ANKH: variants seen among roughly 807,000 people sequenced by gnomAD.
ANKH encodes mineralization regulator ANKH.
A neutral mutation model predicts 49.0 loss-of-function variants in ANKH; 15 were observed. The observed-to-expected ratio is 0.31, with a 90% CI of 0.20 to 0.47. The LOEUF (loss-of-function observed/expected upper bound fraction) is 0.47. Ranked by LOEUF, ANKH falls within the 20% of genes least tolerant of loss-of-function variation. The pLI, the probability that ANKH is intolerant of heterozygous loss-of-function variation, is 1.00. For missense variants in ANKH, 429 were observed against 652.0 expected, an observed-to-expected ratio of 0.66 and a Z score of 3.72; for synonymous variants, 273 against 260.0, an observed-to-expected ratio of 1.05 and a Z score of -0.48.
At chr5:14,804,680 T>C (rs1408404745) in intron 1 of ANKH, among the ~76,000 whole-genome samples, 1 of 152,254 alleles carries the variant, frequency 6.6e-6, no homozygotes, top group Non-Finnish European at 1.5e-5. Flanking sequence ...AATTAAGGTA[T>C]ACTCTTGCTA....
intron 1 of ANKH, 97 bp from the exon 2 acceptor site, chr5:14,769,288 T>C (rs1286849011): frequency 7.8e-6 from 8 of 1,028,378 alleles, no homozygotes; most frequent in Admixed American, 2.0e-5. Flanking sequence ...CACGTTTCTA[T>C]AGAAACACTA....
chr5:14,797,714 T>C, intron 1 of ANKH: 1 of 1,604,848 alleles, frequency 6.2e-7, no homozygotes, highest in Non-Finnish European at 8.5e-7. Flanking sequence ...CATCTTCTAC[T>C]ATTGCCGTAT....
At chr5:14,799,296 C>T (rs1050327512) in intron 1 of ANKH, among the ~76,000 whole-genome samples, 1 of 152,188 alleles carries the variant, frequency 6.6e-6, no homozygotes, top group African/African-American at 2.4e-5. Context: ...TACAAAAGTA[C>T]AAGGTAAAGC....
At chr5:14,744,564 C>CAT (rs1554002328) in intron 7 of ANKH, among the ~76,000 whole-genome samples, 1 of 151,914 alleles carries the variant, frequency 6.6e-6, no homozygotes, top group Non-Finnish European at 1.5e-5. Context: ...TGGAGGTGGA[C>CAT]GTGTGTGTGT....
rs1160897890 is a variant in ANKH, at chr5:14,745,704, T to C, written c.915+166A>G. ...TCAAAGGTAAGCTTCAACTTGCCCC[T>C]GTTATTTTCTGAGGAAAATATTCCT... is the stretch of plus-strand genomic sequence containing the variant. On this transcript the variant is annotated intron_variant, in intron 7 of 11. Coordinates refer to ENST00000284268, the MANE Select transcript of ANKH (RefSeq NM_054027.6). The surrounding 1 kb of genome is among the most constrained non-coding windows in gnomAD (Gnocchi z 4.7). 1.3e-5 allele frequency among the ~76,000 whole-genome samples: 2 copies of C among 152,034 alleles called. No individual in the cohort carries two copies. Among genetic ancestry groups the C allele is most frequent in the East Asian group, 1.9e-4 (1 of 5,196 alleles).
In ANKH at chr5:14,863,170, T is replaced by C. The variant is rs372430083; in HGVS notation, c.96+8182A>G. Among the ~76,000 whole-genome samples, 6 of 152,298 alleles carry C rather than the reference T, an allele frequency of 3.9e-5. No individual in the cohort carries two copies. In the South Asian group the frequency reaches 1.2e-3, roughly 32 times the overall value. On this transcript the variant is annotated intron_variant, in intron 1 of 11. Transcript: ENST00000284268. ...AACTGATTACCACTAACCAGTTGAC[T>C]GGCAACTGGTTAGTATTAAAATGAT...
chr5:14,835,039 T>A (rs1202124929), intron 1 of ANKH, among the ~76,000 whole-genome samples: 1 of 152,178 alleles, frequency 6.6e-6, no homozygotes, highest in Non-Finnish European at 1.5e-5. Flanking sequence ...GTTATTTACT[T>A]CAGTAACATT....
At position 14,725,002 on chromosome 5, in the gene ANKH, G is replaced by A. The variant is rs916472615; in HGVS notation, c.1012-8167C>T. Among the ~76,000 whole-genome samples the A allele has an allele frequency of 6.6e-6, 1 of 151,844 alleles. No individual in the cohort carries two copies. The highest frequency in any genetic ancestry group is 2.1e-4 in the South Asian group (1 of 4,818). ...TATGCAGCTGTTTTGAATAAAAATC[G>A]CTGGCCCTGGACATCATTTTTATTT... On this transcript the variant is annotated intron_variant, in intron 8 of 11. Coordinates refer to ENST00000284268, the MANE Select transcript of ANKH (RefSeq NM_054027.6). This position sits in a 1 kb window ranked among gnomAD's most constrained non-coding sequence, Gnocchi z 4.0.
chr5:14,836,968 A>T (rs1186445544), intron 1 of ANKH, among the ~76,000 whole-genome samples: 1 of 152,214 alleles, frequency 6.6e-6, no homozygotes, highest in East Asian at 1.9e-4. Flanking sequence ...AATACCACAC[A>T]TCTACAACCA....
At chr5:14,742,666 C>A (rs887912919) in intron 7 of ANKH, among the ~76,000 whole-genome samples, 6 of 152,228 alleles carry the variant, frequency 3.9e-5, no homozygotes, top group Admixed American at 3.9e-4. Flanking sequence ...CGTCCAACCC[C>A]GGTGAGGCTG....
At chr5:14,742,267 G>A (rs1448032231) in intron 7 of ANKH, among the ~76,000 whole-genome samples, 1 of 152,186 alleles carries the variant, frequency 6.6e-6, no homozygotes, top group Non-Finnish European at 1.5e-5. Context: ...AGCAGACCCT[G>A]TGCCTGGCCA....
intron 1 of ANKH, chr5:14,868,890 C>CT (rs1481663820): frequency 6.6e-6 from 1 of 152,138 alleles, no homozygotes; most frequent in Admixed American, 6.6e-5. Flanking sequence ...CCCAGCCTAA[C>CT]TTTGCATTTC....
intron 7 of ANKH, among the ~76,000 whole-genome samples, chr5:14,742,405 T>C (rs1580023381): frequency 6.6e-6 from 1 of 152,234 alleles, no homozygotes; most frequent in Non-Finnish European, 1.5e-5. Context: ...AGACTCACTT[T>C]CCAGCCATGA....
intron 1 of ANKH, among the ~76,000 whole-genome samples, chr5:14,838,661 A>C (rs1401413335): frequency 6.6e-6 from 1 of 152,170 alleles, no homozygotes; most frequent in Non-Finnish European, 1.5e-5. Flanking sequence ...ACAAATACCC[A>C]GTCCTGAGGG....
intron 1 of ANKH, among the ~76,000 whole-genome samples, chr5:14,780,165 G>A (rs1354624179): frequency 6.6e-6 from 1 of 152,060 alleles, no homozygotes; most frequent in Non-Finnish European, 1.5e-5. Flanking sequence ...GGGCATTCAG[G>A]AGAAGTGGCT....
In ANKH at chr5:14,710,913, C is replaced by T. The variant is rs1018813215; in HGVS notation, c.*284G>A. 1.7e-5 allele frequency: 7 copies of T among 418,470 alleles called. No homozygotes were observed. Among genetic ancestry groups the T allele is most frequent in the South Asian group, 4.2e-5 (2 of 47,604 alleles). 25.9% of individuals were successfully genotyped at this position (418,470 alleles called of 1,614,324 possible). On this transcript the variant is annotated 3_prime_UTR_variant, in exon 12 of 12. Transcript: ENST00000284268. ...CAGGGGAGGAGGACACAACGTCAAC[C>T]GTGAGGCAGCTGTGTCTTTTGGGTT...
At chr5:14,857,128 C>T (rs1735299222) in intron 1 of ANKH, among the ~76,000 whole-genome samples, 4 of 152,004 alleles carry the variant, frequency 2.6e-5, no homozygotes, top group African/African-American at 7.3e-5. Context: ...CAGTACATAT[C>T]GGGTCCAAAA....
At position 14,791,995 on chromosome 5, in the gene ANKH, A is replaced by G. The variant is rs144283354; in HGVS notation, c.97-22804T>C. ...CATGATGAGAATATGGAACAGGCAT[A>G]GGACAAAAATGGTGGCTCTGATTCG... On this transcript the variant is annotated intron_variant, in intron 1 of 11. Transcript: ENST00000284268. Among the ~76,000 whole-genome samples, 150 of 152,336 alleles carry G rather than the reference A, an allele frequency of 9.8e-4. 3 individuals carry two copies. In the East Asian group the frequency reaches 0.024, roughly 24 times the overall value.
At chr5:14,791,842 G>A (rs950661970) in intron 1 of ANKH, among the ~76,000 whole-genome samples, 10 of 152,190 alleles carry the variant, frequency 6.6e-5, no homozygotes, top group African/African-American at 2.4e-4. Context: ...ACTTGAAGGC[G>A]CTCATCCAGC....
Sources: allele counts gnomAD v4.1 joint callset (sites outside exome capture counted in the v4.1 genomes callset), GRCh38; gene constraint gnomAD v4.1.1; non-coding constraint Gnocchi (gnomAD v3.1); transcripts MANE v1.5; gene names NCBI Gene and HGNC (gene_info 2026-07-23, HGNC 2026-07-21).